Variants in DCC observed in about 807,000 individuals in gnomAD.
DCC encodes the protein netrin receptor DCC.
In DCC, 58 loss-of-function variants were observed where a neutral mutation model predicts 172.5. That is an observed-to-expected ratio of 0.34 (90% confidence interval 0.27 to 0.42). The LOEUF (loss-of-function observed/expected upper bound fraction) is 0.42, where lower values mean the gene tolerates loss of function less well. Ranked by LOEUF, DCC falls within the 10% of genes least tolerant of loss-of-function variation. The pLI is 1.00. For synonymous variants in DCC, 709 were observed against 644.5 expected (o/e 1.10, Z -1.52); for missense variants, 1,740 against 1,791.0 (o/e 0.97, Z 0.51).
chr18:53,351,063 C>A, intron 15 of DCC, among the ~76,000 whole-genome samples: 1 of 150,562 alleles, frequency 6.6e-6, no homozygotes, highest in African/African-American at 2.4e-5. Flanking sequence ...AAACCTATAG[C>A]TGTTTTCAAG....
intron 2 of DCC, among the ~76,000 whole-genome samples, chr18:52,857,061 G>T (rs1341782173): frequency 6.6e-6 from 1 of 152,080 alleles, no homozygotes; most frequent in African/African-American, 2.4e-5. Context: ...TAAGTATTTT[G>T]CTGTTTAACT....
At chr18:53,256,446 C>A (rs2056516240) in intron 12 of DCC, among the ~76,000 whole-genome samples, 1 of 151,948 alleles carries the variant, frequency 6.6e-6, no homozygotes, top group Non-Finnish European at 1.5e-5. Flanking sequence ...GCCAGTTTTC[C>A]CAGCACCATT....
chr18:52,830,041 A>G (rs542180785), intron 2 of DCC, among the ~76,000 whole-genome samples: 5 of 152,252 alleles, frequency 3.3e-5, no homozygotes, highest in Admixed American at 3.3e-4. Context: ...AAGAGCCAGC[A>G]GGTACAAAGT....
chr18:53,468,556 T>C (rs1413681550), intron 25 of DCC, among the ~76,000 whole-genome samples: 1 of 151,822 alleles, frequency 6.6e-6, no homozygotes, highest in Non-Finnish European at 1.5e-5. Flanking sequence ...CTAATTTTTC[T>C]ATTATTAGTA....
chr18:52,930,458 T>C (rs1332489335), intron 5 of DCC, among the ~76,000 whole-genome samples: 1 of 152,130 alleles, frequency 6.6e-6, no homozygotes, highest in Non-Finnish European at 1.5e-5. Context: ...CTAAGTTAAT[T>C]ATCCTTAAGT....
At chr18:52,962,654 A>C (rs1010081008) in intron 5 of DCC, among the ~76,000 whole-genome samples, 1 of 151,850 alleles carries the variant, frequency 6.6e-6, no homozygotes, top group Non-Finnish European at 1.5e-5. Flanking sequence ...ACACATGCAC[A>C]TGTATGTTTA....
At chr18:52,568,890 A>T (rs1156583661) in intron 1 of DCC, among the ~76,000 whole-genome samples, 1 of 152,236 alleles carries the variant, frequency 6.6e-6, no homozygotes, top group Non-Finnish European at 1.5e-5. Context: ...TACAGTTTTT[A>T]AAAATTACAC....
At chr18:52,417,932 C>A (rs917864029) in intron 1 of DCC, among the ~76,000 whole-genome samples, 1 of 152,088 alleles carries the variant, frequency 6.6e-6, no homozygotes, top group Non-Finnish European at 1.5e-5. Flanking sequence ...CGTTCCTTTG[C>A]GAGAAGAAGC....
intron 1 of DCC, among the ~76,000 whole-genome samples, chr18:52,597,681 G>T (rs1432442096): frequency 6.6e-6 from 1 of 152,114 alleles, no homozygotes; most frequent in Non-Finnish European, 1.5e-5. Context: ...GGAACCAGAG[G>T]AAACTGTGCA....
chr18:52,516,045 C>T (rs1027843584), intron 1 of DCC, among the ~76,000 whole-genome samples: 3 of 151,272 alleles, frequency 2.0e-5, no homozygotes, highest in Non-Finnish European at 4.4e-5. Context: ...ATGGAAACCA[C>T]AATATAATGT....
At chr18:52,494,451 A>C (rs552076747) in intron 1 of DCC, among the ~76,000 whole-genome samples, 7 of 151,990 alleles carry the variant, frequency 4.6e-5, no homozygotes, top group African/African-American at 1.7e-4. Context: ...TCCTAATAGT[A>C]TTCCAATTAC....
intron 1 of DCC, among the ~76,000 whole-genome samples, chr18:52,533,743 A>T (rs940190355): frequency 4.6e-5 from 7 of 152,218 alleles, no homozygotes; most frequent in South Asian, 4.1e-4. Context: ...GTTTTTATTT[A>T]TCTGGGATAA....
chr18:53,143,504 A>AT (rs1444021392), intron 7 of DCC, among the ~76,000 whole-genome samples: 1 of 152,202 alleles, frequency 6.6e-6, no homozygotes, highest in African/African-American at 2.4e-5. Context: ...ACATAGCTGG[A>AT]TGGCAGAGAG....
intron 1 of DCC, among the ~76,000 whole-genome samples, chr18:52,639,269 A>T (rs2034844974): frequency 6.6e-6 from 1 of 152,118 alleles, no homozygotes; most frequent in South Asian, 2.1e-4. Context: ...AACAAGAACA[A>T]ATCCAACCCA....
intron 5 of DCC, among the ~76,000 whole-genome samples, chr18:52,926,716 G>A (rs2040207439): frequency 6.6e-6 from 1 of 150,550 alleles, no homozygotes; most frequent in Non-Finnish European, 1.5e-5. Context: ...GACATGTAAT[G>A]GTTCGTTGAT....
intron 12 of DCC, among the ~76,000 whole-genome samples, chr18:53,279,403 A>C (rs2056841866): frequency 6.7e-6 from 1 of 150,188 alleles, no homozygotes; most frequent in Non-Finnish European, 1.5e-5. Context: ...AAGGACAAAA[A>C]ACCAAATACC....
At chr18:52,862,213 T>C (rs981548614) in intron 2 of DCC, among the ~76,000 whole-genome samples, 1 of 152,144 alleles carries the variant, frequency 6.6e-6, no homozygotes, top group Non-Finnish European at 1.5e-5. Flanking sequence ...CCAGGAGTTC[T>C]TTTTGGAATT....
chr18:53,518,910 C>T (rs2046368985), intron 27 of DCC, among the ~76,000 whole-genome samples: 1 of 152,036 alleles, frequency 6.6e-6, no homozygotes. Flanking sequence ...AATACAAAAG[C>T]AGTAAAACCT....
At chr18:53,038,170 TA>T (rs1474600397) in intron 5 of DCC, among the ~76,000 whole-genome samples, 1 of 151,976 alleles carries the variant, frequency 6.6e-6, no homozygotes, top group Non-Finnish European at 1.5e-5. Context: ...GTTCCAGAGA[TA>T]AAGCAAGAGA....
Sources: gnomAD v4.1 joint callset for allele counts (sites outside exome capture counted in the v4.1 genomes callset) on GRCh38, gnomAD v4.1.1 for gene constraint, MANE v1.5 for transcripts, NCBI Gene and HGNC (gene_info 2026-07-23, HGNC 2026-07-21) for gene names.